The following COL11A1 variants were observed in gnomAD, a reference collection of about 807,000 sequenced individuals.
The protein encoded by COL11A1 is collagen alpha-1(XI) chain.
In COL11A1, 74 loss-of-function variants were observed where a neutral mutation model predicts 265.2. The ratio of observed to expected loss-of-function variants is 0.28; its 90% CI spans 0.23 to 0.34. The LOEUF (loss-of-function observed/expected upper bound fraction) is 0.34. COL11A1 is among the 10% of genes least tolerant of loss of function. The pLI is 1.00. For missense variants in COL11A1, 2,165 were observed against 2,263.6 expected (o/e 0.96, Z 0.88); for synonymous variants, 816 against 727.6 (o/e 1.12, Z -1.96).
chr1:102,913,251 A>C (rs1011220397), intron 53 of COL11A1, among the ~76,000 whole-genome samples: 13 of 152,182 alleles, frequency 8.5e-5, no homozygotes, highest in African/African-American at 2.9e-4. Flanking sequence ...GAGTTCATTT[A>C]GGTTCACAAT....
intron 4 of COL11A1, among the ~76,000 whole-genome samples, chr1:103,032,648 G>A (rs1668072165): frequency 6.6e-6 from 1 of 152,010 alleles, no homozygotes; most frequent in African/African-American, 2.4e-5. Flanking sequence ...TTTAATCCTA[G>A]CAGGCAATTT....
intron 36 of COL11A1, among the ~76,000 whole-genome samples, chr1:102,972,921 G>C (rs1321647968): frequency 6.6e-6 from 1 of 151,868 alleles, no homozygotes; most frequent in African/African-American, 2.4e-5. Context: ...ATGCCGATAT[G>C]GGCATGATAT....
At chr1:103,017,723 C>A (rs146225094) in intron 11 of COL11A1, 97 bp downstream of exon 11, 3 of 1,037,968 alleles carry the variant, frequency 2.9e-6, no homozygotes, top group Non-Finnish European at 4.6e-6. Flanking sequence ...CCCTCCCACA[C>A]GCAGTAAGAT....
intron 42 of COL11A1, among the ~76,000 whole-genome samples, chr1:102,943,787 T>C (rs781073823): frequency 1.8e-4 from 27 of 151,600 alleles, no homozygotes; most frequent in Non-Finnish European, 3.8e-4. Context: ...TTATAGTTAG[T>C]GCATTGACTT....
At chr1:102,945,246 T>TAC (rs1659132352) in intron 42 of COL11A1, among the ~76,000 whole-genome samples, 1 of 62,160 alleles carries the variant, frequency 1.6e-5, no homozygotes, top group Non-Finnish European at 3.7e-5. Flanking sequence ...GTTTTCTTTT[T>TAC]ACTCTCTCTC....
At chr1:102,930,041 G>A (rs531905496) in intron 46 of COL11A1, among the ~76,000 whole-genome samples, 1 of 152,176 alleles carries the variant, frequency 6.6e-6, no homozygotes, top group East Asian at 1.9e-4. Context: ...CTGCAAACAG[G>A]GACAATTTGA....
chr1:102,935,863 G>T (rs1362645268), intron 44 of COL11A1, among the ~76,000 whole-genome samples: 1 of 152,116 alleles, frequency 6.6e-6, no homozygotes. Context: ...TTCTTGATAT[G>T]CTTTTAGGAT....
chr1:103,022,938 G>T lies in COL11A1; in HGVS notation c.1049C>A (p.Ser350Tyr). ...TGTATCCTCAGAATTTTTCCTCTGG[G>T]AATCATAATCCTCTCCCGTTAGATA... ...EEYLTGEDYD[S>Y]QRKNSEDTLY... Residue 350 changes from serine to tyrosine, a missense_variant, in exon 8 of 67, where the codon TCC becomes TAC. Ser to Tyr is a moderately radical substitution (Grantham distance 144, BLOSUM62 -2). Transcript: ENST00000370096. 6.2e-7 allele frequency: 1 copy of T among 1,613,342 alleles called. No individual in the cohort carries two copies. Among genetic ancestry groups the T allele is most frequent in the South Asian group, 1.1e-5 (1 of 91,046 alleles).
At chr1:103,041,498 T>C (rs937080151) in intron 4 of COL11A1, among the ~76,000 whole-genome samples, 19 of 151,946 alleles carry the variant, frequency 1.3e-4, no homozygotes, top group African/African-American at 4.6e-4. Context: ...AGTGGTACTA[T>C]CCCAGAAATA....
At chr1:102,958,387 G>A (rs1660574645) in intron 41 of COL11A1, among the ~76,000 whole-genome samples, 1 of 151,312 alleles carries the variant, frequency 6.6e-6, no homozygotes, top group South Asian at 2.1e-4. Context: ...AATAAGAATT[G>A]ACATTATTAA....
chr1:102,996,488 T>C (rs1329503032), intron 26 of COL11A1, among the ~76,000 whole-genome samples: 2 of 151,778 alleles, frequency 1.3e-5, no homozygotes, highest in Non-Finnish European at 2.9e-5. Flanking sequence ...AAATTATATA[T>C]CTTCCAAAAG....
intron 2 of COL11A1, among the ~76,000 whole-genome samples, chr1:103,080,217 G>A (rs574849464): frequency 3.9e-5 from 6 of 151,998 alleles, no homozygotes; most frequent in South Asian, 2.1e-4. Flanking sequence ...TGCTATAAAT[G>A]TATGCATAGA....
intron 40 of COL11A1, 33 bp from the exon 41 acceptor site, chr1:102,961,952 T>G (rs749637194): frequency 6.3e-7 from 1 of 1,590,524 alleles, no homozygotes; most frequent in Non-Finnish European, 8.6e-7. Context: ...AGAAAATGAA[T>G]CCATATGAAT....
At chr1:103,085,837 C>T (rs2102340525) in intron 1 of COL11A1, among the ~76,000 whole-genome samples, 1 of 152,224 alleles carries the variant, frequency 6.6e-6, no homozygotes, top group East Asian at 1.9e-4. Context: ...ATCATAATAA[C>T]TGCCAGGGAG....
rs1570630137 is a variant in COL11A1, at chr1:102,887,006, T to G, written c.4659A>C (p.Lys1553Asn). Residue 1553 changes from lysine (K) to asparagine (N), a missense_variant, in exon 63 of 67, where the codon AAA (lysine) becomes AAC (asparagine). By Grantham distance (94) the Lys-to-Asn change is moderately conservative. Transcript: ENST00000370096. ...IQPLPILSSK[K>N]TRRHTEGMQA... Reference sequence around the variant, plus strand: ...GCATGCCTTCAGTATGTCTTCTCGTTTTTTTGGAGGACAAGATTGGTAAAG... The same window carrying G: ...GCATGCCTTCAGTATGTCTTCTCGTGTTTTTGGAGGACAAGATTGGTAAAG... The G allele has an allele frequency of 6.2e-7, 1 of 1,613,938 alleles. No homozygotes were observed. Among genetic ancestry groups the G allele is most frequent in the Non-Finnish European group, 8.5e-7 (1 of 1,179,846 alleles).
chr1:102,963,879 A>G (rs1438529413), intron 38 of COL11A1, among the ~76,000 whole-genome samples: 4 of 152,178 alleles, frequency 2.6e-5, no homozygotes, highest in Non-Finnish European at 4.4e-5. Context: ...AAATGATCAG[A>G]GATTCACATA....
intron 44 of COL11A1, among the ~76,000 whole-genome samples, chr1:102,938,517 G>A (rs905080572): frequency 2.6e-5 from 4 of 152,108 alleles, no homozygotes; most frequent in Admixed American, 2.0e-4. Flanking sequence ...GTAGGAACAT[G>A]TTTAAATACA....
chr1:102,932,493 A>T (rs901766494), intron 46 of COL11A1, among the ~76,000 whole-genome samples: 1 of 152,142 alleles, frequency 6.6e-6, no homozygotes, highest in African/African-American at 2.4e-5. Flanking sequence ...CTTTGAGGGT[A>T]ACCCGACCTT....
At chr1:102,914,031 A>G (rs908811986) in intron 52 of COL11A1, among the ~76,000 whole-genome samples, 4 of 152,196 alleles carry the variant, frequency 2.6e-5, no homozygotes, top group Non-Finnish European at 4.4e-5. Context: ...ATAGAAGAGA[A>G]ACAGAAAAGC....
Sources: allele counts gnomAD v4.1 joint callset (sites outside exome capture counted in the v4.1 genomes callset), GRCh38; gene constraint gnomAD v4.1.1; transcripts MANE v1.5; gene names NCBI Gene and HGNC (gene_info 2026-07-23, HGNC 2026-07-21).